Variants in JOSD1 observed in about 807,000 individuals in gnomAD.
JOSD1 encodes Josephin domain containing 1, also known as josephin-1.
JOSD1 carries 11 observed loss-of-function variants against 24.3 expected under a neutral mutation model. That is an observed-to-expected ratio of 0.45 (90% CI 0.29 to 0.75). The LOEUF (loss-of-function observed/expected upper bound fraction) is 0.75. JOSD1 is among the 30% of genes least tolerant of loss of function. The probability of loss-of-function intolerance (pLI) is 0.11; values close to 1 mark genes in which losing one functional copy is unlikely to be tolerated. For synonymous variants in JOSD1, 106 were observed against 93.8 expected (o/e 1.13, Z -0.75); for missense variants, 184 against 253.5 (o/e 0.73, Z 1.86).
At chr22:38,690,245 C>T (rs9607567) in intron 2 of JOSD1, among the ~76,000 whole-genome samples, 9 of 152,128 alleles carry the variant, frequency 5.9e-5, no homozygotes, top group African/African-American at 1.9e-4. Flanking sequence ...GGAAGTGTGG[C>T]GAGTTCCTCA....
intron 2 of JOSD1, among the ~76,000 whole-genome samples, chr22:38,689,689 T>A (rs1008378304): frequency 2.4e-4 from 36 of 152,208 alleles, no homozygotes; most frequent in Non-Finnish European, 4.7e-4. Context: ...TTTTTTTTTT[T>A]AACATTGGAA....
rs377441800 is a variant in JOSD1 at position 38,700,014 on chromosome 22, G to T, written c.-27C>A. On this transcript the variant is annotated 5_prime_UTR_variant, in exon 2 of 5. Coordinates refer to ENST00000683374, the MANE Select transcript of JOSD1 (RefSeq NM_001360236.2). ...TTTTTTGTTTTAGGTTCCAGAGATG[G>T]CTATAAACACCCCACTCTTCCCTCT... 6.4e-7 allele frequency: 1 copy of T among 1,561,196 alleles called. No individual in the cohort carries two copies. Among genetic ancestry groups the T allele is most frequent in the East Asian group, 2.3e-5 (1 of 44,418 alleles).
At chr22:38,695,607 T>C (rs1335056508) in intron 2 of JOSD1, among the ~76,000 whole-genome samples, 2 of 151,980 alleles carry the variant, frequency 1.3e-5, no homozygotes, top group Non-Finnish European at 2.9e-5. Flanking sequence ...CCCCCATGCC[T>C]AGCTAATTTT....
chr22:38,690,749 G>A (rs746194150), intron 2 of JOSD1, among the ~76,000 whole-genome samples: 2 of 152,066 alleles, frequency 1.3e-5, no homozygotes, highest in African/African-American at 2.4e-5. Flanking sequence ...GGCCAGGCGC[G>A]GTGGCTCATG....
intron 2 of JOSD1, among the ~76,000 whole-genome samples, chr22:38,693,269 C>G (rs1021845775): frequency 2.0e-5 from 3 of 152,190 alleles, no homozygotes; most frequent in African/African-American, 7.2e-5. Flanking sequence ...TCTTCCCTGT[C>G]CTTCATCTTC....
chr22:38,698,948 G>C (rs2092556234), intron 2 of JOSD1, among the ~76,000 whole-genome samples: 1 of 152,064 alleles, frequency 6.6e-6, no homozygotes, highest in African/African-American at 2.4e-5. Flanking sequence ...GTAGACACGG[G>C]GTTCCACCAT....
intron 2 of JOSD1, among the ~76,000 whole-genome samples, chr22:38,699,332 C>T (rs1204828514): frequency 6.6e-6 from 1 of 152,192 alleles, no homozygotes; most frequent in Admixed American, 6.5e-5. Flanking sequence ...CTTGTGGTAC[C>T]CACCACATTC....
Position 38,700,152 on chromosome 22 carries a change from A to C in JOSD1, c.-165T>G. On this transcript the variant is annotated 5_prime_UTR_variant, in exon 2 of 5. Coordinates refer to ENST00000683374, the MANE Select transcript of JOSD1 (RefSeq NM_001360236.2). ...GGAGAAAAGATTGGAATCAAAAGGAAAAAAATAAAACCCACCTCTTCTCTC... is the reference window on the plus strand; with the variant it reads ...GGAGAAAAGATTGGAATCAAAAGGACAAAAATAAAACCCACCTCTTCTCTC... 7.5e-7 allele frequency: 1 copy of C among 1,338,408 alleles called. No homozygotes were observed. Among genetic ancestry groups the C allele is most frequent in the Non-Finnish European group, 9.6e-7 (1 of 1,044,588 alleles). 82.9% of individuals were successfully genotyped at this position (1,338,408 alleles called of 1,614,324 possible). A position where few individuals can be genotyped will look rare whatever the true frequency, so the allele number is the denominator to read the frequency against.
chr22:38,699,753 A>G (rs770228856), intron 2 of JOSD1, 50 bp downstream of exon 2: 1 of 1,574,576 alleles, frequency 6.4e-7, no homozygotes, highest in South Asian at 1.1e-5. Flanking sequence ...CCCCACCCAC[A>G]GAAATCCAGA....
chr22:38,693,726 A>G (rs571218656), intron 2 of JOSD1, among the ~76,000 whole-genome samples: 1 of 152,254 alleles, frequency 6.6e-6, no homozygotes, highest in African/African-American at 2.4e-5. Context: ...TGTGCCCAGC[A>G]GCCTCTATTC....
intron 2 of JOSD1, among the ~76,000 whole-genome samples, chr22:38,696,575 T>C (rs1274843380): frequency 1.3e-5 from 2 of 152,212 alleles, no homozygotes; most frequent in East Asian, 3.8e-4. Context: ...ATCTAATATC[T>C]ACATCTGTAT....
chr22:38,698,768 C>CT (rs925326579), intron 2 of JOSD1, among the ~76,000 whole-genome samples: 2 of 152,066 alleles, frequency 1.3e-5, no homozygotes, highest in South Asian at 2.1e-4. Flanking sequence ...AGCTGAACTT[C>CT]TTTTTTTGTT....
In JOSD1 at chr22:38,700,375, C is replaced by CGT; in HGVS notation, c.-389_-388insAC. On this transcript the variant is annotated 5_prime_UTR_variant, in exon 2 of 5. The change abolishes the stop of an existing upstream ORF in the 5' untranslated region. Coordinates refer to ENST00000683374, the MANE Select transcript of JOSD1 (RefSeq NM_001360236.2). ...GGCCTCAAAGCAGGAGGACCGAACA[C>CGT]AATCGGTCACATCGCTCCTTTTCTT... 1 of 993,088 alleles carries CGT rather than the reference C, an allele frequency of 1.0e-6. No individual in the cohort carries two copies. Among genetic ancestry groups the CGT allele is most frequent in the Non-Finnish European group, 1.2e-6 (1 of 835,622 alleles). The allele number at this position is 993,088 out of a possible 1,614,324, so 61.5% of individuals were successfully genotyped here. A position where few individuals can be genotyped will look rare whatever the true frequency, so the allele number is the denominator to read the frequency against.
intron 2 of JOSD1, among the ~76,000 whole-genome samples, chr22:38,698,127 T>A (rs1406033575): frequency 6.6e-6 from 1 of 152,202 alleles, no homozygotes; most frequent in Non-Finnish European, 1.5e-5. Context: ...TGCAAATATC[T>A]GATTAGGAGT....
intron 2 of JOSD1, among the ~76,000 whole-genome samples, chr22:38,692,798 A>G (rs1278790367): frequency 1.3e-5 from 2 of 150,836 alleles, no homozygotes; most frequent in East Asian, 1.9e-4. Context: ...AAAAAAAAAA[A>G]AAAAAAAGAA....
intron 2 of JOSD1, among the ~76,000 whole-genome samples, chr22:38,694,409 C>G (rs1340689099): frequency 3.9e-5 from 6 of 152,128 alleles, no homozygotes; most frequent in Non-Finnish European, 8.8e-5. Context: ...TCCATGGGAT[C>G]CTGATGATTC....
In JOSD1 at chr22:38,700,908, G is replaced by T; in HGVS notation, c.-740C>A. 3 of 984,534 alleles carry T rather than the reference G, an allele frequency of 3.0e-6. No homozygotes were observed. The highest frequency in any genetic ancestry group is 2.4e-6 in the Non-Finnish European group (2 of 829,654). 61.0% of individuals were successfully genotyped at this position (984,534 alleles called of 1,614,324 possible). On this transcript the variant is annotated 5_prime_UTR_variant, in exon 1 of 5. The change creates a new upstream start codon in the 5' untranslated region. Coordinates refer to ENST00000683374, the MANE Select transcript of JOSD1 (RefSeq NM_001360236.2). ...CGCCGCTGGCGGTCCCCTCACCGCA[G>T]CCGGCCGCCACCTGGAGTGCGCGCC...
At position 38,685,592 on chromosome 22, in the gene JOSD1, T is replaced by C. The variant is rs545173506; in HGVS notation, c.*2310A>G. ...AAGTTTATTTTTCTTTACACAATTA[T>C]AGAATTCAGGCAGACAAGGAGACAT... On this transcript the variant is annotated 3_prime_UTR_variant, in exon 5 of 5. Transcript: ENST00000683374. The C allele has an allele frequency of 5.2e-5, 8 of 152,528 alleles. No individual in the cohort carries two copies. Among genetic ancestry groups the C allele is most frequent in the Admixed American group, 1.3e-4 (2 of 15,300 alleles). The allele number at this position is 152,528 out of a possible 1,614,324, so 9.4% of individuals were successfully genotyped here. A position where few individuals can be genotyped will look rare whatever the true frequency, so the allele number is the denominator to read the frequency against.
Position 38,696,648 on chromosome 22 carries a change from A to G in JOSD1, c.185+3155T>C, listed in dbSNP as rs564554688. Among the ~76,000 whole-genome samples, 31 of 152,310 alleles carry G rather than the reference A, an allele frequency of 2.0e-4. No homozygotes were observed. In the South Asian group the frequency reaches 6.4e-3, roughly 32 times the overall value. ...CTCCAATTTCACAGGTTGAAAACAGATGCTTTTTAAACAAATGACCTCTTT... is the reference window on the plus strand; with the variant it reads ...CTCCAATTTCACAGGTTGAAAACAGGTGCTTTTTAAACAAATGACCTCTTT... On this transcript the variant is annotated intron_variant, in intron 2 of 4. Coordinates refer to ENST00000683374, the MANE Select transcript of JOSD1 (RefSeq NM_001360236.2).
Sources: gnomAD v4.1 joint callset for allele counts (sites outside exome capture counted in the v4.1 genomes callset) on GRCh38, gnomAD v4.1.1 for gene constraint, MANE v1.5 for transcripts, NCBI Gene and HGNC (gene_info 2026-07-23, HGNC 2026-07-21) for gene names.